The following IL1RAPL1 variants were observed in gnomAD, a reference collection of about 807,000 sequenced individuals.
The protein encoded by IL1RAPL1 is interleukin 1 receptor accessory protein like 1, also known as interleukin-1 receptor accessory protein-like 1.
A neutral mutation model predicts 48.4 loss-of-function variants in IL1RAPL1; 3 were observed. That is an observed-to-expected ratio of 0.06 (90% CI 0.03 to 0.16). The LOEUF (loss-of-function observed/expected upper bound fraction) is 0.16, where lower values mean the gene tolerates loss of function less well. Among genes scored for constraint, IL1RAPL1 ranks in the 10% least tolerant of loss-of-function variants. IL1RAPL1 has a pLI of 1.00. For synonymous variants in IL1RAPL1, 185 were observed against 187.7 expected, an observed-to-expected ratio of 0.99 and a Z score of 0.12; for missense variants, 349 against 530.6, an observed-to-expected ratio of 0.66 and a Z score of 3.36.
At chrX:29,404,520 G>C (rs5928926) in intron 5 of IL1RAPL1, among the ~76,000 whole-genome samples, 39,943 of 110,200 alleles carry the variant, frequency 0.36, 6,160 homozygotes, top group Middle Eastern at 0.55. Context: ...ACGCTGTGTA[G>C]TACAGATACC....
chrX:29,797,488 C>T (rs142160307), intron 6 of IL1RAPL1, among the ~76,000 whole-genome samples: 34 of 112,144 alleles, frequency 3.0e-4, no homozygotes, highest in Non-Finnish European at 5.6e-4. Flanking sequence ...CCCCCTCATC[C>T]TTCTGTTTGT....
At chrX:28,899,247 C>G (rs1478020404) in intron 2 of IL1RAPL1, among the ~76,000 whole-genome samples, 1 of 111,550 alleles carries the variant, frequency 9.0e-6, no homozygotes, top group Admixed American at 9.4e-5. Flanking sequence ...TACCCGGTCT[C>G]TCCTTTCACA....
chrX:29,199,026 G>A (rs1195722937), intron 2 of IL1RAPL1, among the ~76,000 whole-genome samples: 1 of 111,560 alleles, frequency 9.0e-6, no homozygotes, highest in Middle Eastern at 4.7e-3. Flanking sequence ...CAAAAATGGG[G>A]AACTAATTCA....
intron 5 of IL1RAPL1, among the ~76,000 whole-genome samples, chrX:29,580,528 ACTAT>A (rs1246453344): frequency 4.5e-5 from 5 of 111,802 alleles, no homozygotes; most frequent in Admixed American, 9.5e-5. Context: ...TGCATAATAA[ACTAT>A]CTAAGTACTC....
At chrX:29,821,397 C>G (rs904295623) in intron 6 of IL1RAPL1, among the ~76,000 whole-genome samples, 2 of 110,357 alleles carry the variant, frequency 1.8e-5, no homozygotes, top group African/African-American at 6.6e-5. Context: ...TTGCAGTGAG[C>G]CAAGATCACA....
At chrX:28,903,027 A>C (rs914741804) in intron 2 of IL1RAPL1, among the ~76,000 whole-genome samples, 3 of 112,220 alleles carry the variant, frequency 2.7e-5, no homozygotes, top group African/African-American at 9.7e-5. Flanking sequence ...AAAAAGATTG[A>C]GGGCCACTGG....
At chrX:29,802,950 T>C (rs1227825049) in intron 6 of IL1RAPL1, among the ~76,000 whole-genome samples, 12 of 92,757 alleles carry the variant, frequency 1.3e-4, no homozygotes, top group Non-Finnish European at 2.5e-4. Context: ...TATGTATGCA[T>C]ATATGTATAC....
At chrX:29,779,545 G>T (rs1224614908) in intron 6 of IL1RAPL1, among the ~76,000 whole-genome samples, 2 of 110,811 alleles carry the variant, frequency 1.8e-5, no homozygotes, top group Non-Finnish European at 3.8e-5. Context: ...CAACTCCCGT[G>T]ACACGCAATT....
At position 29,275,559 on chromosome X, in the gene IL1RAPL1, C is replaced by G. The variant is rs780148095; in HGVS notation, c.83-7379C>G. On this transcript the variant is annotated intron_variant, in intron 2 of 10. Coordinates refer to ENST00000378993, the MANE Select transcript of IL1RAPL1 (RefSeq NM_014271.4). ...TTTTAATTTCATCTCTTTCTTAAAT[C>G]CTTTTTGATCTTCCTAGACATATTT... is the stretch of plus-strand genomic sequence containing the variant. Among the ~76,000 whole-genome samples the G allele has an allele frequency of 2.7e-5, 3 of 112,129 alleles. No individual in the cohort carries two copies. The Admixed American group carries it at 2.8e-4, about 11-fold the overall frequency.
intron 1 of IL1RAPL1, among the ~76,000 whole-genome samples, chrX:28,696,917 C>T (rs143234371): frequency 0.013 from 1,438 of 111,170 alleles, 26 homozygotes; most frequent in African/African-American, 0.045. Flanking sequence ...AATATATGTC[C>T]TTAAATAATT....
intron 6 of IL1RAPL1, among the ~76,000 whole-genome samples, chrX:29,739,414 A>AT (rs1412933630): frequency 9.0e-6 from 1 of 111,097 alleles, no homozygotes; most frequent in East Asian, 2.8e-4. Flanking sequence ...TTCATTAGGT[A>AT]TTTTTTCCAT....
chrX:29,832,710 T>TG (rs1416556132), intron 6 of IL1RAPL1, among the ~76,000 whole-genome samples: 1 of 106,339 alleles, frequency 9.4e-6, no homozygotes, highest in African/African-American at 3.4e-5. Context: ...TTTTTGTTTT[T>TG]TTTTTTTTTT....
chrX:28,955,039 T>C (rs974110400), intron 2 of IL1RAPL1, among the ~76,000 whole-genome samples: 4 of 112,172 alleles, frequency 3.6e-5, no homozygotes, highest in African/African-American at 1.3e-4. Flanking sequence ...AAAGATATAA[T>C]TGATCTTTAA....
chrX:29,608,774 C>G (rs887165154), intron 5 of IL1RAPL1, among the ~76,000 whole-genome samples: 1 of 104,764 alleles, frequency 9.5e-6, no homozygotes, highest in Non-Finnish European at 1.9e-5. Flanking sequence ...TGCAGTGAGC[C>G]GAGATCTCAC....
chrX:28,716,073 A>G (rs1253602272), intron 1 of IL1RAPL1, among the ~76,000 whole-genome samples: 1 of 112,576 alleles, frequency 8.9e-6, no homozygotes, highest in Admixed American at 9.4e-5. Flanking sequence ...AAACAGAACT[A>G]AAGAGAAAAC....
chrX:29,551,383 A>T (rs1411215756), intron 5 of IL1RAPL1, among the ~76,000 whole-genome samples: 1 of 112,161 alleles, frequency 8.9e-6, no homozygotes, highest in Non-Finnish European at 1.9e-5. Context: ...ATATGATTTA[A>T]AATTTTTTTC....
chrX:29,627,052 T>C (rs1924636938), intron 5 of IL1RAPL1, among the ~76,000 whole-genome samples: 1 of 112,503 alleles, frequency 8.9e-6, no homozygotes, highest in African/African-American at 3.2e-5. Flanking sequence ...GTTATTTATT[T>C]TTAATAATTT....
intron 3 of IL1RAPL1, among the ~76,000 whole-genome samples, chrX:29,311,655 A>G (rs905418028): frequency 7.1e-5 from 8 of 112,156 alleles, no homozygotes; most frequent in Non-Finnish European, 1.3e-4. Flanking sequence ...GCTAGTGGCT[A>G]CGGTACTGGA....
rs775584187 is a variant in IL1RAPL1, at chrX:29,433,318, T to A, written c.703+34010T>A. ...TTTATGTGCTTTTAAAATTTGTTTTTGTGCTTTAATAACAATATGGAAATG... is the reference window on the plus strand; with the variant it reads ...TTTATGTGCTTTTAAAATTTGTTTTAGTGCTTTAATAACAATATGGAAATG... On this transcript the variant is annotated intron_variant, in intron 5 of 10. Transcript: ENST00000378993. Among the ~76,000 whole-genome samples, 5 of 111,364 alleles carry A rather than the reference T, an allele frequency of 4.5e-5. No individual in the cohort carries two copies. In the South Asian group the frequency reaches 1.8e-3, roughly 41 times the overall value.
Sources: allele counts gnomAD v4.1 joint callset (sites outside exome capture counted in the v4.1 genomes callset), GRCh38; gene constraint gnomAD v4.1.1; transcripts MANE v1.5; gene names NCBI Gene and HGNC (gene_info 2026-07-23, HGNC 2026-07-21).